Variants in ACSL3 observed in about 807,000 individuals in gnomAD.
ACSL3 encodes the protein fatty acid CoA ligase Acsl3.
In ACSL3, 34 loss-of-function variants were observed where a neutral mutation model predicts 84.7. The ratio of observed to expected loss-of-function variants is 0.40; its 90% CI spans 0.31 to 0.53. The LOEUF is 0.53. Among genes scored for constraint, ACSL3 ranks in the 20% least tolerant of loss-of-function variants. The pLI, the probability that ACSL3 is intolerant of heterozygous loss-of-function variation, is 0.48. For synonymous variants in ACSL3, 315 were observed against 299.4 expected (o/e 1.05, Z -0.54); for missense variants, 680 against 873.1 (o/e 0.78, Z 2.79).
intron 11 of ACSL3, 151 bp from the exon 12 acceptor site, chr2:222,926,866 G>T: frequency 1.4e-6 from 1 of 700,466 alleles, no homozygotes; most frequent in Non-Finnish European, 2.2e-6. Context: ...TAACATTTGG[G>T]GCTCAAGAGA....
At chr2:222,934,854 C>T (rs558225315) in intron 16 of ACSL3, among the ~76,000 whole-genome samples, 167 bp downstream of exon 16, 33 of 152,320 alleles carry the variant, frequency 2.2e-4, no homozygotes, top group African/African-American at 7.9e-4. Flanking sequence ...AGCCTTGCTA[C>T]ACAAATTAAC....
chr2:222,942,719 A>T lies in ACSL3; in HGVS notation c.*1065A>T, dbSNP rs1487394964. ...TGAGTCAGTGGTAGCTTATTTAAAA[A>T]GCACCTTATCCTTTCTCCCATAACC... On this transcript the variant is annotated 3_prime_UTR_variant, in exon 17 of 17. Coordinates refer to ENST00000357430, the MANE Select transcript of ACSL3 (RefSeq NM_004457.5). 1 of 212,450 alleles carries T rather than the reference A, an allele frequency of 4.7e-6. No homozygotes were observed. The highest frequency in any genetic ancestry group is 7.2e-5 in the East Asian group (1 of 13,974). 13.2% of individuals were successfully genotyped at this position (212,450 alleles called of 1,614,324 possible). A position where few individuals can be genotyped will look rare whatever the true frequency, so the allele number is the denominator to read the frequency against.
chr2:222,881,008 T>A lies in ACSL3; in HGVS notation c.-206-6822T>A, dbSNP rs115867434. Among the ~76,000 whole-genome samples the A allele has an allele frequency of 1.9e-3, 283 of 152,316 alleles. 1 individual carries two copies. Among genetic ancestry groups the A allele is most frequent in the African/African-American group, 6.3e-3 (262 of 41,582 alleles). ...TTCTGTCTTTTTCAGTATTCATAAC[T>A]GTCGTTTATTTTTTCATTGCATTGG... is the stretch of plus-strand genomic sequence containing the variant. On this transcript the variant is annotated intron_variant, in intron 1 of 16. Coordinates refer to ENST00000357430, the MANE Select transcript of ACSL3 (RefSeq NM_004457.5).
Position 222,921,288 on chromosome 2 carries a change from C to G in ACSL3, c.814C>G (p.Pro272Ala). The change falls in exon 8 of 17, where the codon CCT (proline) becomes GCT (alanine). Residue 272 changes from proline to alanine, a missense_variant. Transcript: ENST00000357430. ...TTTTCTCTTCAATGCAGAAAACCAA[C>G]CTCATAGCAAACCATTGCCCTCAGA... ...LGAKASMENQ[P>A]HSKPLPSDIA... 1 of 1,593,194 alleles carries G rather than the reference C, an allele frequency of 6.3e-7. No homozygotes were observed. The highest frequency in any genetic ancestry group is 8.6e-7 in the Non-Finnish European group (1 of 1,163,020).
At chr2:222,888,367 T>C (rs1396921899) in intron 2 of ACSL3, among the ~76,000 whole-genome samples, 1 of 152,222 alleles carries the variant, frequency 6.6e-6, no homozygotes, top group Non-Finnish European at 1.5e-5. Flanking sequence ...CTGTGTCATC[T>C]GAAGTGAATT....
chr2:222,865,680 G>C (rs1695117723), intron 1 of ACSL3, among the ~76,000 whole-genome samples: 1 of 152,194 alleles, frequency 6.6e-6, no homozygotes, highest in South Asian at 2.1e-4. Context: ...GAAGGAAAAG[G>C]GGAGACTTCT....
At chr2:222,936,513 G>A (rs976823957) in intron 16 of ACSL3, among the ~76,000 whole-genome samples, 2 of 151,778 alleles carry the variant, frequency 1.3e-5, no homozygotes, top group Non-Finnish European at 2.9e-5. Flanking sequence ...GTTATGTTGG[G>A]CATCTTATAT....
At chr2:222,916,975 A>C (rs1225227538) in intron 5 of ACSL3, among the ~76,000 whole-genome samples, 2 of 152,170 alleles carry the variant, frequency 1.3e-5, no homozygotes, top group Non-Finnish European at 2.9e-5. Context: ...TGGAAGCATA[A>C]GTTCAGAGGT....
intron 1 of ACSL3, among the ~76,000 whole-genome samples, chr2:222,865,969 A>G (rs1695128066): frequency 6.6e-6 from 1 of 152,354 alleles, no homozygotes; most frequent in South Asian, 2.1e-4. Flanking sequence ...GTCATGGTCA[A>G]CTTTTCTGTC....
At chr2:222,939,446 T>G (rs968940539) in intron 16 of ACSL3, among the ~76,000 whole-genome samples, 1 of 152,200 alleles carries the variant, frequency 6.6e-6, no homozygotes, top group African/African-American at 2.4e-5. Flanking sequence ...TTGGCCATGG[T>G]ACTGGAGCTC....
At chr2:222,870,658 C>G (rs1424530994) in intron 1 of ACSL3, among the ~76,000 whole-genome samples, 1 of 152,036 alleles carries the variant, frequency 6.6e-6, no homozygotes, top group African/African-American at 2.4e-5. Context: ...AAAGGACATT[C>G]CAGGTAGAGC....
rs1200924127 is a variant in ACSL3 at position 222,880,656 on chromosome 2, G to A, written c.-206-7174G>A. Among the ~76,000 whole-genome samples, 2 of 151,670 alleles carry A rather than the reference G, an allele frequency of 1.3e-5. 1 individual carries two copies. The highest frequency in any genetic ancestry group is 1.3e-4 in the Admixed American group (2 of 15,206). ...ATCCTGGCTAACACGGTGAAACCCT[G>A]TCTCTACTAAAAATAAAAAAAAAAT... On this transcript the variant is annotated intron_variant, in intron 1 of 16. Transcript: ENST00000357430.
At chr2:222,937,844 T>C (rs1697215286) in intron 16 of ACSL3, among the ~76,000 whole-genome samples, 1 of 152,098 alleles carries the variant, frequency 6.6e-6, no homozygotes, top group African/African-American at 2.4e-5. Flanking sequence ...TGTTAACTAT[T>C]TTCTGTATAT....
At chr2:222,920,759 A>G (rs34861997) in intron 7 of ACSL3, among the ~76,000 whole-genome samples, 6,280 of 152,214 alleles carry the variant, frequency 0.041, 202 homozygotes, top group Middle Eastern at 0.1. Context: ...TTGAGGTCCT[A>G]TGTGTGGTCC....
intron 2 of ACSL3, among the ~76,000 whole-genome samples, chr2:222,897,896 T>C (rs1696028470): frequency 2.9e-4 from 1 of 3,424 alleles, no homozygotes; most frequent in Admixed American, 7.5e-3. Flanking sequence ...CGGCTCGGCA[T>C]CAGAGGGAGA....
At chr2:222,871,604 A>G (rs56686341) in intron 1 of ACSL3, among the ~76,000 whole-genome samples, 14,925 of 152,208 alleles carry the variant, frequency 0.098, 812 homozygotes, top group Non-Finnish European at 0.12. Context: ...AAGAAAATGC[A>G]GTGAATCTGC....
At chr2:222,870,190 T>C (rs1695262787) in intron 1 of ACSL3, among the ~76,000 whole-genome samples, 1 of 152,138 alleles carries the variant, frequency 6.6e-6, no homozygotes, top group Non-Finnish European at 1.5e-5. Context: ...TTACCTCCTT[T>C]TCCCCCTCCT....
At chr2:222,873,650 G>A (rs1188315038) in intron 1 of ACSL3, among the ~76,000 whole-genome samples, 1 of 152,118 alleles carries the variant, frequency 6.6e-6, no homozygotes. Context: ...AATATATTGT[G>A]TGTAAATATT....
intron 4 of ACSL3, 121 bp downstream of exon 4, chr2:222,909,271 G>A: frequency 1.0e-6 from 1 of 985,736 alleles, no homozygotes; most frequent in Non-Finnish European, 1.5e-6. Context: ...AGCAGTGTAG[G>A]AAGGGGGCTA....
Sources: gnomAD v4.1 joint callset for allele counts (sites outside exome capture counted in the v4.1 genomes callset) on GRCh38, gnomAD v4.1.1 for gene constraint, MANE v1.5 for transcripts, NCBI Gene and HGNC (gene_info 2026-07-23, HGNC 2026-07-21) for gene names.